The following ZC3H12B variants were observed in gnomAD, a reference collection of about 807,000 sequenced individuals.
ZC3H12B encodes the protein probable ribonuclease ZC3H12B.
Under a neutral mutation model 43.9 loss-of-function variants are expected in ZC3H12B, and 7 were observed. The observed-to-expected ratio is 0.16, with a 90% CI of 0.09 to 0.30. The LOEUF (loss-of-function observed/expected upper bound fraction) is 0.30, where lower values mean the gene tolerates loss of function less well. Among genes scored for constraint, ZC3H12B ranks in the 10% least tolerant of loss-of-function variants. The pLI is 1.00. For synonymous variants in ZC3H12B, 222 were observed against 241.7 expected (o/e 0.92, Z 0.76); for missense variants, 475 against 670.2 (o/e 0.71, Z 3.22).
At chrX:65,460,590 C>G (rs1200404944) in intron 3 of ZC3H12B, among the ~76,000 whole-genome samples, 5 of 111,668 alleles carry the variant, frequency 4.5e-5, no homozygotes, top group Non-Finnish European at 9.4e-5. Context: ...GCAAACCTGA[C>G]AAAAACAAGA....
At position 65,488,975 on chromosome X, in the gene ZC3H12B, G is replaced by C. The variant is rs774161449; in HGVS notation, c.174G>C (p.Lys58Asn). The change falls in exon 1 of 5, where the codon AAG becomes AAC. Residue 58 changes from lysine (K) to asparagine (N), a missense_variant. Around this residue, in one of 3 missense-constraint regions of ZC3H12B, gnomAD observed 160 missense variants for 236.0 expected, o/e 0.68. Transcript: ENST00000338957. ...GCCTTAAGAGTAGCGACAACAGCAA[G>C]AGCTGCCAACCTAGGGATGGTCAGT... 5 of 1,209,305 alleles carry C rather than the reference G, an allele frequency of 4.1e-6. No individual in the cohort carries two copies. In the African/African-American group the frequency reaches 5.3e-5, roughly 13 times the overall value.
rs992071519 is a variant in ZC3H12B at position 65,444,983 on chromosome X, C to T, written n.408-43663C>T. Among the ~76,000 whole-genome samples the T allele has an allele frequency of 3.6e-5, 4 of 112,041 alleles. No individual in the cohort carries two copies. In the Admixed American group the frequency reaches 3.8e-4, roughly 11 times the overall value. On this transcript the variant is annotated intron_variant and non_coding_transcript_variant, in intron 3 of 5. Coordinates refer to the ZC3H12B transcript ENST00000617377. ...TCTTTTTTCCACTTTATCAATTCTG[C>T]TATTGAGAAACTGATGTATTCTTCA...
chrX:65,499,416 G>A, intron 3 of ZC3H12B, 183 bp downstream of exon 8: 2 of 406,928 alleles, frequency 4.9e-6, no homozygotes, highest in Non-Finnish European at 8.4e-6. Flanking sequence ...GAGCGAAAGA[G>A]ACAACCACAA....
At chrX:65,375,652 G>A (rs2066336567) in intron 2 of ZC3H12B, among the ~76,000 whole-genome samples, 1 of 111,183 alleles carries the variant, frequency 9.0e-6, no homozygotes, top group East Asian at 2.9e-4. Context: ...CCCCATTGTA[G>A]GCCTTAGTTC....
At chrX:65,162,458 G>C in the ZC3H12B span, among the ~76,000 whole-genome samples, 1 of 111,662 alleles carries the variant, frequency 9.0e-6, no homozygotes, top group Non-Finnish European at 1.9e-5. Flanking sequence ...TGGAGGCTTT[G>C]TTCATTGCTT....
the ZC3H12B span, among the ~76,000 whole-genome samples, chrX:65,276,336 G>A: frequency 7.2e-5 from 8 of 111,479 alleles, no homozygotes; most frequent in African/African-American, 2.6e-4. Flanking sequence ...CTATGTCCAG[G>A]AAGCTCAAAC....
chrX:65,249,438 A>G, the ZC3H12B span, among the ~76,000 whole-genome samples: 5 of 112,274 alleles, frequency 4.5e-5, no homozygotes, highest in African/African-American at 1.6e-4. Context: ...TATACCAGTA[A>G]CATGCTGTTT....
At chrX:65,415,593 G>A (rs2066950710) in intron 3 of ZC3H12B, among the ~76,000 whole-genome samples, 2 of 111,717 alleles carry the variant, frequency 1.8e-5, no homozygotes, top group Admixed American at 9.5e-5. Flanking sequence ...ACTCCAAAGG[G>A]AGTAGGGTAT....
the ZC3H12B span, among the ~76,000 whole-genome samples, chrX:65,224,089 G>T: frequency 8.9e-6 from 1 of 112,009 alleles, no homozygotes; most frequent in African/African-American, 3.2e-5. Context: ...AAGAAACTGT[G>T]GTATTTATAT....
At chrX:65,390,015 A>G (rs746315448) in intron 2 of ZC3H12B, among the ~76,000 whole-genome samples, 1 of 112,405 alleles carries the variant, frequency 8.9e-6, no homozygotes, top group African/African-American at 3.2e-5. Context: ...CCCAGTGTCC[A>G]TTAATGATAG....
At chrX:65,267,201 T>C in the ZC3H12B span, among the ~76,000 whole-genome samples, 5 of 104,686 alleles carry the variant, frequency 4.8e-5, no homozygotes, top group Non-Finnish European at 9.9e-5. Flanking sequence ...CTTTCTTTCT[T>C]TTTTTTTTTT....
At chrX:65,186,460 C>T in the ZC3H12B span, 1 of 104,273 alleles carries the variant, frequency 9.6e-6, no homozygotes, top group Non-Finnish European at 2.0e-5. Context: ...CCACTGTACT[C>T]CAGCCTGGGC....
intron 3 of ZC3H12B, among the ~76,000 whole-genome samples, chrX:65,429,090 G>C (rs150789300): frequency 8.9e-6 from 1 of 112,207 alleles, no homozygotes; most frequent in African/African-American, 3.2e-5. Flanking sequence ...ACCAGTGAAG[G>C]TTGTGAAATA....
the ZC3H12B span, among the ~76,000 whole-genome samples, chrX:65,237,625 A>G: frequency 1.8e-5 from 2 of 110,065 alleles, no homozygotes; most frequent in African/African-American, 6.6e-5. Context: ...GAGATAGGGC[A>G]TACTTGTCTT....
chrX:65,496,965 GAAAA>G (rs1250300419), intron 1 of ZC3H12B, among the ~76,000 whole-genome samples, 163 bp from the exon 7 acceptor site: 2 of 93,627 alleles, frequency 2.1e-5, no homozygotes, highest in African/African-American at 8.2e-5. Context: ...AAAAAAAAAA[GAAAA>G]AAAAGAAAAG....
the ZC3H12B span, among the ~76,000 whole-genome samples, chrX:65,092,839 G>T: frequency 8.9e-6 from 1 of 112,253 alleles, no homozygotes; most frequent in Non-Finnish European, 1.9e-5. Context: ...TTCTGGGGAG[G>T]AGTTCATGGC....
chrX:65,107,819 C>T, the ZC3H12B span, among the ~76,000 whole-genome samples: 5 of 111,047 alleles, frequency 4.5e-5, no homozygotes, highest in Non-Finnish European at 9.4e-5. Context: ...CCAAGCCCTG[C>T]GAAACTGTGA....
At chrX:65,241,127 C>T in the ZC3H12B span, among the ~76,000 whole-genome samples, 7 of 112,252 alleles carry the variant, frequency 6.2e-5, no homozygotes, top group Non-Finnish European at 1.3e-4. Flanking sequence ...ACCTGCTGGA[C>T]TCTCCAGAGC....
At chrX:65,114,719 A>C in the ZC3H12B span, among the ~76,000 whole-genome samples, 1 of 110,395 alleles carries the variant, frequency 9.1e-6, no homozygotes, top group Admixed American at 9.7e-5. Flanking sequence ...CTAATATTAA[A>C]ATAATTTATT....
Sources: allele counts gnomAD v4.1 joint callset (sites outside exome capture counted in the v4.1 genomes callset), GRCh38; gene constraint gnomAD v4.1.1; regional missense constraint gnomAD v4.1.1; transcripts MANE v1.5; gene names NCBI Gene and HGNC (gene_info 2026-07-23, HGNC 2026-07-21).